COL25A1: variants seen among roughly 807,000 people sequenced by gnomAD.
The protein encoded by COL25A1 is collagen alpha-1(XXV) chain.
Under a neutral mutation model 128.4 loss-of-function variants are expected in COL25A1, and 103 were observed. The observed-to-expected ratio is 0.80, with a 90% CI of 0.68 to 0.94. The LOEUF (loss-of-function observed/expected upper bound fraction) is 0.94, where lower values mean the gene tolerates loss of function less well. Ranked by LOEUF, COL25A1 falls within the 40% of genes least tolerant of loss-of-function variation. The probability of loss-of-function intolerance (pLI) is 0.00; values close to 1 mark genes in which losing one functional copy is unlikely to be tolerated. For synonymous variants in COL25A1, 279 were observed against 277.2 expected (o/e 1.01, Z -0.06); for missense variants, 745 against 840.0 (o/e 0.89, Z 1.40).
chr4:109,253,809 C>T (rs544914338), intron 3 of COL25A1, among the ~76,000 whole-genome samples: 2 of 152,128 alleles, frequency 1.3e-5, no homozygotes, highest in South Asian at 4.2e-4. Flanking sequence ...ACATTTAGGC[C>T]GGGCGCAGTG....
intron 3 of COL25A1, among the ~76,000 whole-genome samples, chr4:109,186,797 C>T (rs1188298769): frequency 1.3e-5 from 2 of 152,136 alleles, no homozygotes; most frequent in African/African-American, 2.4e-5. Context: ...TAATCTGCTC[C>T]CAGGAGTTCA....
chr4:108,875,492 A>C (rs997709012), intron 19 of COL25A1, among the ~76,000 whole-genome samples: 4 of 152,196 alleles, frequency 2.6e-5, no homozygotes, highest in South Asian at 2.1e-4. Context: ...TAGAGAAATG[A>C]AAATCAAAAC....
At position 109,055,561 on chromosome 4, in the gene COL25A1, C is replaced by T. The variant is rs149185700; in HGVS notation, c.368-5382G>A. 1.3e-4 allele frequency among the ~76,000 whole-genome samples: 20 copies of T among 152,282 alleles called. No individual in the cohort carries two copies. The East Asian group carries it at 3.9e-3, about 29-fold the overall frequency. The stretch of plus-strand genomic sequence containing the variant: ...ATTCCACAGACACAACCAGCCACAA[C>T]CAGTGCGAACTTTCCAAAGTACTTT... On this transcript the variant is annotated intron_variant, in intron 3 of 37. Coordinates refer to ENST00000399132, the MANE Select transcript of COL25A1 (RefSeq NM_198721.4).
chr4:109,073,871 C>G (rs1161217795), intron 3 of COL25A1, among the ~76,000 whole-genome samples: 1 of 152,160 alleles, frequency 6.6e-6, no homozygotes, highest in Non-Finnish European at 1.5e-5. Context: ...CACAAGGCCA[C>G]AACTAAAAAT....
intron 20 of COL25A1, among the ~76,000 whole-genome samples, chr4:108,868,615 AAAG>A (rs1490492207): frequency 6.7e-6 from 1 of 149,922 alleles, no homozygotes; most frequent in Admixed American, 6.6e-5. Flanking sequence ...AAAAAGAAAG[AAAG>A]AAAGAAAGAA....
At chr4:109,284,442 A>AAAAG (rs1443359677) in intron 3 of COL25A1, among the ~76,000 whole-genome samples, 2 of 152,214 alleles carry the variant, frequency 1.3e-5, no homozygotes, top group Non-Finnish European at 2.9e-5. Flanking sequence ...ACAAGAAAAG[A>AAAAG]AAAGAAAAGG....
At chr4:109,132,200 T>G (rs573457087) in intron 3 of COL25A1, among the ~76,000 whole-genome samples, 233 of 152,300 alleles carry the variant, frequency 1.5e-3, no homozygotes, top group African/African-American at 5.4e-3. Flanking sequence ...AGACTTTAAA[T>G]AGTCTACAGT....
At chr4:108,845,278 AGCAG>A (rs1438291835) in intron 28 of COL25A1, 27 bp from the exon 29 acceptor site, 2 of 1,584,164 alleles carry the variant, frequency 1.3e-6, no homozygotes, top group Non-Finnish European at 1.7e-6. Context: ...AGCAGAGTTA[AGCAG>A]GTAAAGTTAT....
chr4:109,222,794 A>G (rs1298476987), intron 3 of COL25A1, among the ~76,000 whole-genome samples: 4 of 152,214 alleles, frequency 2.6e-5, no homozygotes, highest in African/African-American at 9.7e-5. Context: ...AAAAAACTGC[A>G]TTGTTTTAAA....
At chr4:109,192,689 TA>T (rs1775715116) in intron 3 of COL25A1, among the ~76,000 whole-genome samples, 1 of 151,814 alleles carries the variant, frequency 6.6e-6, no homozygotes, top group South Asian at 2.1e-4. Context: ...CTGTCTCTAT[TA>T]AAATTACAAA....
intron 3 of COL25A1, among the ~76,000 whole-genome samples, chr4:109,157,432 T>C (rs976402100): frequency 2.0e-5 from 3 of 152,128 alleles, no homozygotes; most frequent in Non-Finnish European, 2.9e-5. Context: ...TTCCATAATT[T>C]AGTCAACAGA....
At chr4:109,062,887 T>C (rs1762098211) in intron 3 of COL25A1, among the ~76,000 whole-genome samples, 1 of 152,234 alleles carries the variant, frequency 6.6e-6, no homozygotes, top group Non-Finnish European at 1.5e-5. Flanking sequence ...TGATTGAATT[T>C]GATTGTTCTC....
intron 3 of COL25A1, among the ~76,000 whole-genome samples, chr4:109,214,673 A>G (rs1777850328): frequency 6.6e-6 from 1 of 152,128 alleles, no homozygotes; most frequent in African/African-American, 2.4e-5. Flanking sequence ...AGAAAAAAGT[A>G]TCAATGCAAG....
In COL25A1 at chr4:108,813,870, T is replaced by C. The variant is rs377277027; in HGVS notation, c.*57A>G. The stretch of plus-strand genomic sequence containing the variant: ...AAATCTGCAATTCAGTTTTCAACTA[T>C]AAATATTAAAAATGGACCCTTATAT... On this transcript the variant is annotated 3_prime_UTR_variant, in exon 38 of 38. Coordinates refer to ENST00000399132, the MANE Select transcript of COL25A1 (RefSeq NM_198721.4). 9 of 1,383,932 alleles carry C rather than the reference T, an allele frequency of 6.5e-6. No individual in the cohort carries two copies. The African/African-American group carries it at 8.7e-5, about 13-fold the overall frequency. The allele number at this position is 1,383,932 out of a possible 1,614,324, so 85.7% of individuals were successfully genotyped here.
intron 3 of COL25A1, among the ~76,000 whole-genome samples, chr4:109,178,442 T>C (rs368533746): frequency 5.3e-5 from 8 of 152,156 alleles, no homozygotes; most frequent in African/African-American, 1.4e-4. Flanking sequence ...CCAAATAATT[T>C]AGGTATACAT....
chr4:108,880,018 A>G (rs1235571299), intron 19 of COL25A1, among the ~76,000 whole-genome samples: 2 of 151,604 alleles, frequency 1.3e-5, no homozygotes. Flanking sequence ...CTTGTTGGTC[A>G]GGCTGGTCTC....
At chr4:109,194,615 C>T (rs1190011130) in intron 3 of COL25A1, among the ~76,000 whole-genome samples, 1 of 152,014 alleles carries the variant, frequency 6.6e-6, no homozygotes, top group Non-Finnish European at 1.5e-5. Flanking sequence ...GGATAGGTAA[C>T]TTTGTAAACT....
intron 3 of COL25A1, among the ~76,000 whole-genome samples, chr4:109,283,952 A>G (rs1330118391): frequency 6.6e-6 from 1 of 152,232 alleles, no homozygotes; most frequent in Non-Finnish European, 1.5e-5. Flanking sequence ...TAAGTGGGAA[A>G]AAACAGTGTT....
chr4:109,086,106 A>G lies in COL25A1; in HGVS notation c.368-35927T>C, dbSNP rs186771930. Among the ~76,000 whole-genome samples the G allele has an allele frequency of 1.3e-3, 196 of 152,332 alleles. 1 individual carries two copies. The highest frequency in any genetic ancestry group is 4.1e-3 in the African/African-American group (170 of 41,574). ...GCAACTTGCCAAAGAAGCTCCCAGT[A>G]CTACACATTTTTTTAGAAGAAATTC... On this transcript the variant is annotated intron_variant, in intron 3 of 37. Coordinates refer to ENST00000399132, the MANE Select transcript of COL25A1 (RefSeq NM_198721.4).
Sources: allele counts gnomAD v4.1 joint callset (sites outside exome capture counted in the v4.1 genomes callset), GRCh38; gene constraint gnomAD v4.1.1; transcripts MANE v1.5; gene names NCBI Gene and HGNC (gene_info 2026-07-23, HGNC 2026-07-21).